The following PTPRB variants were observed in gnomAD, a reference collection of about 807,000 sequenced individuals.
PTPRB encodes receptor-type tyrosine-protein phosphatase beta.
In PTPRB, 97 loss-of-function variants were observed where a neutral mutation model predicts 238.1. The ratio of observed to expected loss-of-function variants is 0.41; its 90% CI spans 0.35 to 0.48. The LOEUF is 0.48. Among genes scored for constraint, PTPRB ranks in the 20% least tolerant of loss-of-function variants. The pLI is 0.30. For missense variants in PTPRB, 2,292 were observed against 2,681.9 expected (o/e 0.85, Z 3.21); for synonymous variants, 970 against 995.4 (o/e 0.97, Z 0.48).
chr12:70,601,200 G>A (rs766202470), intron 4 of PTPRB, among the ~76,000 whole-genome samples: 24 of 151,576 alleles, frequency 1.6e-4, no homozygotes, highest in Non-Finnish European at 2.7e-4. Context: ...ATAGGGTTTC[G>A]CCATGTTGCC....
intron 29 of PTPRB, 40 bp from the exon 30 acceptor site, chr12:70,534,995 G>C: frequency 6.3e-7 from 1 of 1,584,382 alleles, no homozygotes; most frequent in Non-Finnish European, 8.6e-7. Flanking sequence ...GTCCGGAAAA[G>C]TGACTCCTTG....
intron 9 of PTPRB, among the ~76,000 whole-genome samples, chr12:70,584,331 G>C (rs1420750970): frequency 1.3e-5 from 2 of 152,088 alleles, no homozygotes; most frequent in African/African-American, 4.8e-5. Flanking sequence ...ATGGAGAAGG[G>C]GCAAGAGGCA....
Position 70,521,254 on chromosome 12 carries a change from G to C in PTPRB, c.*235C>G, listed in dbSNP as rs1871619751. 1 of 390,556 alleles carries C rather than the reference G, an allele frequency of 2.6e-6. No homozygotes were observed. 24.2% of individuals were successfully genotyped at this position (390,556 alleles called of 1,614,324 possible). ...GTGTGGAAAAATAGTATTATATAAA[G>C]CTTAATATTAAACATTATGAAAAAT... On this transcript the variant is annotated 3_prime_UTR_variant, in exon 34 of 34. Transcript: ENST00000334414.
rs183520202 is a variant in PTPRB, at chr12:70,589,888, C to T, written c.2050+76G>A. 25 of 1,417,106 alleles carry T rather than the reference C, an allele frequency of 1.8e-5. 1 individual carries two copies. In the East Asian group the frequency reaches 2.1e-4, roughly 12 times the overall value. The allele number at this position is 1,417,106 out of a possible 1,614,324, so 87.8% of individuals were successfully genotyped here. A position where few individuals can be genotyped will look rare whatever the true frequency, so the allele number is the denominator to read the frequency against. ...CACCAGGGTATGATATTAGCAGTTA[C>T]GGCAGTTACCTGGGTTACCTGGGAG... On this transcript the variant is annotated intron_variant, in intron 8 of 33. Coordinates refer to ENST00000334414, the MANE Select transcript of PTPRB (RefSeq NM_001109754.4).
At chr12:70,535,324 AT>A (rs1048299491) in intron 29 of PTPRB, among the ~76,000 whole-genome samples, 8 of 147,064 alleles carry the variant, frequency 5.4e-5, no homozygotes, top group African/African-American at 2.0e-4. Flanking sequence ...AGAAAGAAAT[AT>A]CTAGTTGGGT....
chr12:70,586,049 G>C (rs983020278), intron 9 of PTPRB, among the ~76,000 whole-genome samples: 10 of 152,112 alleles, frequency 6.6e-5, no homozygotes, highest in African/African-American at 2.4e-4. Flanking sequence ...GTCTATCATT[G>C]ATGGACATTC....
At position 70,594,704 on chromosome 12, in the gene PTPRB, T is replaced by A; in HGVS notation, c.1279A>T (p.Ile427Phe). 6.2e-7 allele frequency: 1 copy of A among 1,613,984 alleles called. No individual in the cohort carries two copies. The highest frequency in any genetic ancestry group is 8.5e-7 in the Non-Finnish European group (1 of 1,179,840). The change falls in exon 6 of 34, where the codon ATT (isoleucine) becomes TTT (phenylalanine). Residue 427 changes from isoleucine to phenylalanine, a missense_variant. By Grantham distance (21) the Ile-to-Phe change is conservative. Coordinates refer to ENST00000334414, the MANE Select transcript of PTPRB (RefSeq NM_001109754.4). ...GAATTGGCTTTTGTGGAAATACCAA[T>A]ATCTTTCACTGGAGATGGCACTAGT... ...GSTVPSPVKD[I>F]GISTKANSLL...
At chr12:70,626,370 C>CCTGCCTGT (rs1424668580) in intron 2 of PTPRB, among the ~76,000 whole-genome samples, 9 of 68,072 alleles carry the variant, frequency 1.3e-4, no homozygotes, top group African/African-American at 1.2e-3. Context: ...TATCTATATT[C>CCTGCCTGT]CTGCCTGCCT....
intron 6 of PTPRB, 56 bp downstream of exon 6, chr12:70,594,411 T>C (rs767171272): frequency 3.3e-5 from 53 of 1,592,676 alleles, no homozygotes; most frequent in Non-Finnish European, 4.1e-5. Context: ...ACTTGACTTA[T>C]TAAACATTCC....
At chr12:70,605,418 A>G (rs1883865440) in intron 4 of PTPRB, among the ~76,000 whole-genome samples, 1 of 152,184 alleles carries the variant, frequency 6.6e-6, no homozygotes, top group Non-Finnish European at 1.5e-5. Flanking sequence ...CCATTCATCC[A>G]TCTATCCATC....
chr12:70,618,407 GC>G (rs1475327404), intron 3 of PTPRB, among the ~76,000 whole-genome samples: 7 of 152,186 alleles, frequency 4.6e-5, no homozygotes, highest in African/African-American at 1.2e-4. Context: ...ACTGCATCAG[GC>G]CTAGCCAGTA....
chr12:70,568,434 ACTACAGGCGTCT>A (rs200777212), intron 14 of PTPRB, among the ~76,000 whole-genome samples: 11,667 of 152,120 alleles, frequency 0.077, 470 homozygotes, highest in Middle Eastern at 0.12. Flanking sequence ...AGTAGCTGGG[ACTACAGGCGTCT>A]GCCATCACAC....
chr12:70,576,662 T>TCGGCGGGGGGG lies in PTPRB; in HGVS notation c.2579-18_2579-17insCCCCCCCGCCG, dbSNP rs1555230172. ...TGGAAGGGACTGTGATTTTGAAAGG[T>TCGGCGGGGGGG]GGGGGGCGGGGGGGGGGGGGAAGGG... On this transcript the variant is annotated splice_polypyrimidine_tract_variant and intron_variant, in intron 10 of 33. Coordinates refer to ENST00000334414, the MANE Select transcript of PTPRB (RefSeq NM_001109754.4). 1.3e-4 allele frequency: 2 copies of TCGGCGGGGGGG among 15,194 alleles called. No individual in the cohort carries two copies. Among genetic ancestry groups the TCGGCGGGGGGG allele is most frequent in the African/African-American group, 6.5e-4 (2 of 3,076 alleles). 0.9% of individuals were successfully genotyped at this position (15,194 alleles called of 1,614,324 possible).
chr12:70,607,217 C>A (rs1884018073), intron 4 of PTPRB, among the ~76,000 whole-genome samples: 1 of 152,204 alleles, frequency 6.6e-6, no homozygotes, highest in Admixed American at 6.5e-5. Flanking sequence ...TTTAAACAAC[C>A]ATATTCTGGC....
chr12:70,562,975 T>C lies in PTPRB; in HGVS notation c.4037A>G (p.Glu1346Gly). ...FLYNPDGNLQ[E>G]RAQVDPLVQS... ...GACTAGTGGGTCAACTTGAGCTCTC[T>C]CCTGGAGATTCCCATCTGGGTTGTA... The change falls in exon 16 of 34, where the codon GAG becomes GGG. Residue 1346 changes from glutamate (E) to glycine (G), a missense_variant. Glu to Gly is a moderately conservative substitution (Grantham distance 98). Transcript: ENST00000334414. 1.2e-6 allele frequency: 2 copies of C among 1,614,028 alleles called. No individual in the cohort carries two copies. Among genetic ancestry groups the C allele is most frequent in the Non-Finnish European group, 8.5e-7 (1 of 1,179,900 alleles).
At chr12:70,591,299 A>G (rs764955066) in intron 7 of PTPRB, among the ~76,000 whole-genome samples, 1 of 151,960 alleles carries the variant, frequency 6.6e-6, no homozygotes, top group Non-Finnish European at 1.5e-5. Flanking sequence ...TTTTGACCAT[A>G]TATCTCTTAC....
At chr12:70,597,291 G>C (rs1883117694) in intron 4 of PTPRB, among the ~76,000 whole-genome samples, 1 of 152,160 alleles carries the variant, frequency 6.6e-6, no homozygotes, top group South Asian at 2.1e-4. Context: ...CCCAGAGTAA[G>C]TGGGAATGGG....
intron 7 of PTPRB, chr12:70,591,749 T>C (rs1882507697): frequency 6.5e-6 from 1 of 154,298 alleles, no homozygotes; most frequent in Non-Finnish European, 1.4e-5. Context: ...TACAACCCTT[T>C]AAACATGTAA....
intron 29 of PTPRB, among the ~76,000 whole-genome samples, chr12:70,535,369 T>G (rs1216191634): frequency 6.6e-6 from 1 of 152,036 alleles, no homozygotes; most frequent in East Asian, 1.9e-4. Context: ...CCCTTCTTCG[T>G]TCATATTTTT....
Sources: gnomAD v4.1 joint callset for allele counts (sites outside exome capture counted in the v4.1 genomes callset) on GRCh38, gnomAD v4.1.1 for gene constraint, MANE v1.5 for transcripts, NCBI Gene and HGNC (gene_info 2026-07-23, HGNC 2026-07-21) for gene names.